Variants in SLC2A10 observed in about 807,000 individuals in gnomAD.
SLC2A10 encodes the protein solute carrier family 2, facilitated glucose transporter member 10.
A neutral mutation model predicts 32.1 loss-of-function variants in SLC2A10; 25 were observed. That is an observed-to-expected ratio of 0.78 (90% CI 0.57 to 1.09). The LOEUF (loss-of-function observed/expected upper bound fraction) is 1.09. Among genes scored for constraint, SLC2A10 ranks in the 50% least tolerant of loss-of-function variants. The pLI is 0.00. For missense variants in SLC2A10, 673 were observed against 686.5 expected (o/e 0.98, Z 0.22); for synonymous variants, 332 against 309.6 (o/e 1.07, Z -0.76).
At position 46,725,595 on chromosome 20, in the gene SLC2A10, G is replaced by A. The variant is rs1568985616; in HGVS notation, c.559G>A (p.Ala187Thr). 6.2e-7 allele frequency: 1 copy of A among 1,614,036 alleles called. No homozygotes were observed. Among genetic ancestry groups the A allele is most frequent in the Non-Finnish European group, 8.5e-7 (1 of 1,180,026 alleles). The change falls in exon 2 of 5, where the codon GCT becomes ACT. Residue 187 changes from alanine (A) to threonine (T), a missense_variant. By Grantham distance (58) the Ala-to-Thr change is moderately conservative. Coordinates refer to ENST00000359271, the MANE Select transcript of SLC2A10 (RefSeq NM_030777.4). ...LQSLSLLFLP[A>T]GTDETATHKD... ...ATCCCTCAGCCTCCTCTTCCTCCCT[G>A]CTGGTACAGATGAGACTGCAACACA...
chr20:46,708,866 C>T (rs997540882), upstream of SLC2A10, among the ~76,000 whole-genome samples: 2 of 152,222 alleles, frequency 1.3e-5, no homozygotes, highest in Non-Finnish European at 2.9e-5. Context: ...CTCCTTCCCA[C>T]CCCGGGGCCT....
intron 1 of SLC2A10, among the ~76,000 whole-genome samples, chr20:46,717,471 C>T (rs898666091): frequency 5.9e-5 from 9 of 152,124 alleles, no homozygotes; most frequent in East Asian, 1.9e-4. Flanking sequence ...CTACAACCTC[C>T]GCCTCCTGGG....
rs993058494 is a variant in SLC2A10, at chr20:46,721,724, G to C, written c.5-3317G>C. Among the ~76,000 whole-genome samples, 5 of 152,252 alleles carry C rather than the reference G, an allele frequency of 3.3e-5. No individual in the cohort carries two copies. The South Asian group carries it at 6.2e-4, about 19-fold the overall frequency. ...CTGTGTTGGTTTCATTTTCATAAAG[G>C]CCTTCTGCACAGCATGACCAATGAC... On this transcript the variant is annotated intron_variant, in intron 1 of 4. Transcript: ENST00000359271.
intron 1 of SLC2A10, among the ~76,000 whole-genome samples, chr20:46,719,147 GT>G (rs911548074): frequency 0.011 from 1,561 of 146,364 alleles, 27 homozygotes; most frequent in African/African-American, 0.037. Flanking sequence ...GTTACTGGTT[GT>G]TTTTTTTTTC....
chr20:46,725,253 G>T lies in SLC2A10; in HGVS notation c.217G>T (p.Gly73Cys). The change falls in exon 2 of 5, where the codon GGC (glycine) becomes TGC (cysteine). Residue 73 changes from glycine to cysteine, a missense_variant. Coordinates refer to ENST00000359271, the MANE Select transcript of SLC2A10 (RefSeq NM_030777.4). ...TGGTGGCTTCCTCATTGACTGCTATGGCAGGAAGCAAGCCATCCTCGGGAG... is the reference window on the plus strand; with the variant it reads ...TGGTGGCTTCCTCATTGACTGCTATTGCAGGAAGCAAGCCATCCTCGGGAG... ...LVGGFLIDCY[G>C]RKQAILGSNL... 1 of 1,614,162 alleles carries T rather than the reference G, an allele frequency of 6.2e-7. No homozygotes were observed. The highest frequency in any genetic ancestry group is 8.5e-7 in the Non-Finnish European group (1 of 1,180,030).
upstream of SLC2A10, among the ~76,000 whole-genome samples, chr20:46,708,878 T>C (rs1978738737): frequency 6.6e-6 from 1 of 152,208 alleles, no homozygotes; most frequent in Non-Finnish European, 1.5e-5. Flanking sequence ...CCGGGGCCTT[T>C]GCCTTTGCTG....
intron 1 of SLC2A10, among the ~76,000 whole-genome samples, chr20:46,719,078 G>A (rs950668225): frequency 5.3e-5 from 8 of 152,044 alleles, no homozygotes; most frequent in Non-Finnish European, 8.8e-5. Flanking sequence ...TACCACATTC[G>A]GCTTTAGCTG....
At chr20:46,713,984 A>G (rs2123002862) in intron 1 of SLC2A10, among the ~76,000 whole-genome samples, 1 of 152,326 alleles carries the variant, frequency 6.6e-6, no homozygotes, top group Admixed American at 6.5e-5. Context: ...TTTCCACTGA[A>G]AGGCACTAAG....
intron 1 of SLC2A10, among the ~76,000 whole-genome samples, chr20:46,722,200 G>A (rs1203185070): frequency 6.6e-6 from 1 of 152,118 alleles, no homozygotes; most frequent in Non-Finnish European, 1.5e-5. Context: ...GTGACATGGA[G>A]ATATTAGTAA....
intron 1 of SLC2A10, among the ~76,000 whole-genome samples, chr20:46,717,387 T>C (rs1202921607): frequency 5.4e-5 from 8 of 148,104 alleles, no homozygotes; most frequent in Non-Finnish European, 8.8e-5. Context: ...CACCTTTTTA[T>C]TTATTTATTT....
intron 4 of SLC2A10, among the ~76,000 whole-genome samples, chr20:46,731,566 C>T (rs912881262): frequency 6.6e-6 from 1 of 152,172 alleles, no homozygotes; most frequent in Admixed American, 6.5e-5. Flanking sequence ...GATGTGACTG[C>T]AGCTGCGGGG....
intron 3 of SLC2A10, among the ~76,000 whole-genome samples, chr20:46,728,652 C>T (rs2046252216): frequency 6.8e-6 from 1 of 146,636 alleles, no homozygotes; most frequent in Non-Finnish European, 1.5e-5. Context: ...ACTCTGTCGC[C>T]CTGAGTGCAG....
chr20:46,713,556 A>G (rs138236531), intron 1 of SLC2A10, among the ~76,000 whole-genome samples: 8 of 152,328 alleles, frequency 5.3e-5, no homozygotes, highest in Non-Finnish European at 8.8e-5. Flanking sequence ...CAGATCCTGC[A>G]GAGTCTTGAA....
chr20:46,716,560 A>T (rs1256136529), intron 1 of SLC2A10, among the ~76,000 whole-genome samples: 2 of 152,182 alleles, frequency 1.3e-5, no homozygotes, highest in African/African-American at 4.8e-5. Flanking sequence ...GGGGTGCATG[A>T]CATAGATACT....
At chr20:46,720,600 A>T (rs1396151270) in intron 1 of SLC2A10, among the ~76,000 whole-genome samples, 1 of 152,214 alleles carries the variant, frequency 6.6e-6, no homozygotes, top group East Asian at 1.9e-4. Context: ...ATTATTGTGC[A>T]GTTTGGTATT....
intron 1 of SLC2A10, among the ~76,000 whole-genome samples, chr20:46,721,361 C>T (rs4810546): frequency 6.6e-6 from 1 of 151,390 alleles, no homozygotes; most frequent in Admixed American, 6.6e-5. Context: ...TTTTGCAAAT[C>T]TCTAAATTAT....
At chr20:46,713,467 A>G (rs971966992) in intron 1 of SLC2A10, among the ~76,000 whole-genome samples, 10 of 151,968 alleles carry the variant, frequency 6.6e-5, no homozygotes, top group Non-Finnish European at 1.5e-4. Context: ...GCTGGCAGGT[A>G]CCAAGCTTTG....
chr20:46,715,577 G>T (rs888121087), intron 1 of SLC2A10, among the ~76,000 whole-genome samples: 3 of 152,196 alleles, frequency 2.0e-5, no homozygotes, highest in African/African-American at 7.2e-5. Flanking sequence ...CCAGGGAGTG[G>T]CAAGGGCTCG....
At chr20:46,713,726 T>C (rs1010357955) in intron 1 of SLC2A10, among the ~76,000 whole-genome samples, 4 of 152,106 alleles carry the variant, frequency 2.6e-5, no homozygotes, top group East Asian at 3.9e-4. Context: ...GCCCTAGAAA[T>C]GTCATGAGGT....
Sources: gnomAD v4.1 joint callset for allele counts (sites outside exome capture counted in the v4.1 genomes callset) on GRCh38, gnomAD v4.1.1 for gene constraint, MANE v1.5 for transcripts, NCBI Gene and HGNC (gene_info 2026-07-23, HGNC 2026-07-21) for gene names.